TMEM182: variants seen among roughly 807,000 people sequenced by gnomAD.
TMEM182 encodes transmembrane protein 182.
Under a neutral mutation model 26.8 loss-of-function variants are expected in TMEM182, and 20 were observed. The observed-to-expected ratio is 0.75, with a 90% CI of 0.53 to 1.09. TMEM182 has a LOEUF of 1.09. Among genes scored for constraint, TMEM182 ranks in the 50% least tolerant of loss-of-function variants. The pLI, the probability that TMEM182 is intolerant of heterozygous loss-of-function variation, is 0.00. For missense variants in TMEM182, 277 were observed against 275.5 expected, an observed-to-expected ratio of 1.01 and a Z score of -0.04; for synonymous variants, 109 against 102.2, an observed-to-expected ratio of 1.07 and a Z score of -0.40.
chr2:102,791,409 G>A (rs1681631069), intron 3 of TMEM182, among the ~76,000 whole-genome samples: 1 of 152,166 alleles, frequency 6.6e-6, no homozygotes, highest in South Asian at 2.1e-4. Context: ...CTAGAATAAG[G>A]TTTTGAAATA....
chr2:102,780,243 T>C (rs1681111587), intron 3 of TMEM182, among the ~76,000 whole-genome samples: 1 of 152,162 alleles, frequency 6.6e-6, no homozygotes, highest in African/African-American at 2.4e-5. Context: ...ATGGATCTTA[T>C]TTAAATCTTT....
Position 102,771,757 on chromosome 2 carries a change from G to A in TMEM182, c.331+7330G>A, listed in dbSNP as rs377252835. On this transcript the variant is annotated intron_variant, in intron 3 of 4. Coordinates refer to ENST00000412401, the MANE Select transcript of TMEM182 (RefSeq NM_144632.5). ...CTCTCACGCTAGGAACTCCTGATGT[G>A]TACAGCAGGATTTCTCAACCTTCAC... is the stretch of plus-strand genomic sequence containing the variant. 4.6e-5 allele frequency among the ~76,000 whole-genome samples: 7 copies of A among 152,272 alleles called. No individual in the cohort carries two copies. In the South Asian group the frequency reaches 6.2e-4, roughly 14 times the overall value.
At chr2:102,791,505 T>C (rs1213077793) in intron 3 of TMEM182, among the ~76,000 whole-genome samples, 2 of 152,250 alleles carry the variant, frequency 1.3e-5, no homozygotes, top group Non-Finnish European at 2.9e-5. Flanking sequence ...ACAACATCTG[T>C]TGTTGGACTG....
intron 3 of TMEM182, among the ~76,000 whole-genome samples, chr2:102,839,451 A>ATATAT (rs1683306918): frequency 7.2e-6 from 1 of 139,214 alleles, no homozygotes; most frequent in Non-Finnish European, 1.5e-5. Flanking sequence ...GTTTTGCTAT[A>ATATAT]TATATATATA....
chr2:102,798,775 A>T (rs1480844319), intron 4 of TMEM182, among the ~76,000 whole-genome samples: 1 of 152,106 alleles, frequency 6.6e-6, no homozygotes, highest in African/African-American at 2.4e-5. Flanking sequence ...CGGGAGGCGG[A>T]GGTTGCATTG....
chr2:102,752,642 C>G (rs527945029), intron 1 of TMEM182, among the ~76,000 whole-genome samples: 7 of 152,340 alleles, frequency 4.6e-5, no homozygotes, highest in Admixed American at 4.6e-4. Context: ...CACTCTCTTT[C>G]TCACTGATTA....
intron 1 of TMEM182, among the ~76,000 whole-genome samples, chr2:102,745,027 A>G (rs1169067032): frequency 1.3e-5 from 2 of 152,016 alleles, no homozygotes; most frequent in Non-Finnish European, 2.9e-5. Flanking sequence ...TTCTAATTCT[A>G]GAACTCTAGC....
At chr2:102,755,483 C>T (rs1680005082) in intron 1 of TMEM182, among the ~76,000 whole-genome samples, 1 of 152,178 alleles carries the variant, frequency 6.6e-6, no homozygotes, top group South Asian at 2.1e-4. Flanking sequence ...CTCTCAGTTA[C>T]ATGAGAGTAT....
At chr2:102,831,771 AAAG>A (rs907671365) in intron 3 of TMEM182, among the ~76,000 whole-genome samples, 6 of 152,066 alleles carry the variant, frequency 3.9e-5, no homozygotes, top group Admixed American at 2.6e-4. Context: ...AAAAAAAGAA[AAAG>A]AAGAGTGATG....
At chr2:102,806,105 T>C (rs550814421) in intron 4 of TMEM182, among the ~76,000 whole-genome samples, 3 of 152,320 alleles carry the variant, frequency 2.0e-5, no homozygotes, top group Admixed American at 1.3e-4. Flanking sequence ...ATCCCCCAAA[T>C]AGTCACTTTG....
In TMEM182 at chr2:102,755,095, G is replaced by A. The variant is rs143578491; in HGVS notation, c.-82-3294G>A. Among the ~76,000 whole-genome samples the A allele has an allele frequency of 2.4e-4, 37 of 152,194 alleles. No individual in the cohort carries two copies. In the East Asian group the frequency reaches 7.1e-3, roughly 29 times the overall value. Reference sequence around the variant, plus strand: ...TCACTGCAATTTCTCTAAGTGAATAGAGACCCTAAAAGAAATATTATTTCC... The same window carrying A: ...TCACTGCAATTTCTCTAAGTGAATAAAGACCCTAAAAGAAATATTATTTCC... On this transcript the variant is annotated intron_variant, in intron 1 of 5. Transcript: ENST00000409173.
intron 3 of TMEM182, among the ~76,000 whole-genome samples, chr2:102,783,270 G>C (rs930351698): frequency 1.3e-5 from 2 of 152,138 alleles, no homozygotes; most frequent in African/African-American, 4.8e-5. Context: ...GCGTAAAATG[G>C]GCAATTTTAG....
At chr2:102,737,364 T>C (rs1000614195) in intron 1 of TMEM182, among the ~76,000 whole-genome samples, 2 of 152,246 alleles carry the variant, frequency 1.3e-5, no homozygotes, top group Non-Finnish European at 2.9e-5. Flanking sequence ...ATAGATGGTC[T>C]ATGCCTGAGT....
At chr2:102,751,239 T>A (rs754668565) in intron 1 of TMEM182, among the ~76,000 whole-genome samples, 10 of 152,160 alleles carry the variant, frequency 6.6e-5, no homozygotes, top group Non-Finnish European at 1.2e-4. Flanking sequence ...CACCGGATTT[T>A]ATAGACAGGC....
At chr2:102,758,335 G>A (rs1680108316), upstream of TMEM182, 1 of 628,376 alleles carries the variant, frequency 1.6e-6, no homozygotes, top group South Asian at 2.0e-5. Context: ...CATTTTCTTA[G>A]GCTTCTAAGA....
At chr2:102,817,688 G>A (rs1324436856), downstream of TMEM182, 1 of 984,288 alleles carries the variant, frequency 1.0e-6, no homozygotes, top group Non-Finnish European at 1.2e-6. Context: ...AAGTGTCAGT[G>A]TTGGTAATTA....
chr2:102,782,938 T>C (rs1681234778), intron 3 of TMEM182, among the ~76,000 whole-genome samples: 1 of 152,222 alleles, frequency 6.6e-6, no homozygotes, highest in South Asian at 2.1e-4. Context: ...CTTTTTCTAG[T>C]ACCCAAGTTC....
At chr2:102,743,083 T>C (rs941304482) in intron 1 of TMEM182, among the ~76,000 whole-genome samples, 2 of 152,098 alleles carry the variant, frequency 1.3e-5, no homozygotes, top group African/African-American at 4.8e-5. Flanking sequence ...AATGTAACAG[T>C]GTACCAAGTG....
At chr2:102,830,220 C>T (rs1683124469) in intron 3 of TMEM182, among the ~76,000 whole-genome samples, 1 of 152,212 alleles carries the variant, frequency 6.6e-6, no homozygotes, top group Non-Finnish European at 1.5e-5. Flanking sequence ...CTACAATACT[C>T]AGACTTAATG....
Sources: allele counts gnomAD v4.1 joint callset (sites outside exome capture counted in the v4.1 genomes callset), GRCh38; gene constraint gnomAD v4.1.1; transcripts MANE v1.5; gene names NCBI Gene and HGNC (gene_info 2026-07-23, HGNC 2026-07-21).